PIAS2: variants seen among roughly 807,000 people sequenced by gnomAD.
PIAS2 encodes E3 SUMO-protein ligase PIAS2.
In PIAS2, 19 loss-of-function variants were observed where a neutral mutation model predicts 69.7. The observed-to-expected ratio is 0.27, with a 90% CI of 0.19 to 0.40. The LOEUF (loss-of-function observed/expected upper bound fraction) is 0.40. PIAS2 is among the 10% of genes least tolerant of loss of function. The pLI is 1.00. For missense variants in PIAS2, 624 were observed against 757.0 expected, an observed-to-expected ratio of 0.82 and a Z score of 2.06; for synonymous variants, 261 against 263.2, an observed-to-expected ratio of 0.99 and a Z score of 0.08.
At chr18:46,851,511 T>C (rs1298796897) in intron 5 of PIAS2, among the ~76,000 whole-genome samples, 1 of 152,222 alleles carries the variant, frequency 6.6e-6, no homozygotes, top group East Asian at 1.9e-4. Context: ...GTCTGTACAC[T>C]GGCAGCCCTT....
At chr18:46,911,502 C>T in intron 1 of PIAS2, among the ~76,000 whole-genome samples, 1 of 152,260 alleles carries the variant, frequency 6.6e-6, no homozygotes, top group Non-Finnish European at 1.5e-5. Context: ...AGACGTGAGC[C>T]ACTGTGCCCG....
At chr18:46,848,154 A>AT (rs951547456) in intron 5 of PIAS2, among the ~76,000 whole-genome samples, 2 of 152,222 alleles carry the variant, frequency 1.3e-5, no homozygotes, top group African/African-American at 4.8e-5. Context: ...GCAAGCAGGA[A>AT]TTTTAGAGAG....
intron 2 of PIAS2, among the ~76,000 whole-genome samples, chr18:46,878,869 T>C (rs922124260): frequency 6.6e-5 from 10 of 152,136 alleles, no homozygotes; most frequent in African/African-American, 2.4e-4. Flanking sequence ...ACTCCGTCTA[T>C]AAAAAACAAA....
At chr18:46,816,455 A>T (rs149217766) in intron 12 of PIAS2, 1 of 985,030 alleles carries the variant, frequency 1.0e-6, no homozygotes, top group East Asian at 1.1e-4. Flanking sequence ...AGCCTTTTTG[A>T]AAATTGTTGC....
chr18:46,819,265 G>A (rs2041905640), intron 12 of PIAS2, among the ~76,000 whole-genome samples: 1 of 152,026 alleles, frequency 6.6e-6, no homozygotes, highest in Non-Finnish European at 1.5e-5. Flanking sequence ...AAGGCAGTTG[G>A]GAATTAAGAA....
intron 1 of PIAS2, chr18:46,903,469 C>G (rs1265714404): frequency 1.3e-5 from 2 of 151,960 alleles, no homozygotes; most frequent in African/African-American, 4.8e-5. Flanking sequence ...TGTTCAGCAT[C>G]ATTAGCCATT....
Position 46,803,826 on chromosome 18 carries a change from A to G in PIAS2, c.*8607T>C, listed in dbSNP as rs2040572830. The G allele has an allele frequency of 6.6e-6, 1 of 152,174 alleles. No individual in the cohort carries two copies. The highest frequency in any genetic ancestry group is 6.5e-5 in the Admixed American group (1 of 15,274). The allele number at this position is 152,174 out of a possible 1,614,324, so 9.4% of individuals were successfully genotyped here. ...TACACAGTAGGGTGGGTCTACAAGG[A>G]GTTGCTTACACTTCCAGGTTTAATA... is the stretch of plus-strand genomic sequence containing the variant. On this transcript the variant is annotated 3_prime_UTR_variant, in exon 14 of 14. Coordinates refer to ENST00000585916, the MANE Select transcript of PIAS2 (RefSeq NM_004671.5).
Position 46,803,637 on chromosome 18 carries a change from T to C in PIAS2, c.*8796A>G, listed in dbSNP as rs925137656. The C allele has an allele frequency of 3.1e-4, 47 of 152,348 alleles. No homozygotes were observed. The highest frequency in any genetic ancestry group is 8.7e-4 in the African/African-American group (36 of 41,582). 9.4% of individuals were successfully genotyped at this position (152,348 alleles called of 1,614,324 possible). A position where few individuals can be genotyped will look rare whatever the true frequency, so the allele number is the denominator to read the frequency against. ...TGATTTTTGTTCCAGTTCCAAAGTA[T>C]TGAGTCTAATAATGATTTGGGTCAG... On this transcript the variant is annotated 3_prime_UTR_variant, in exon 14 of 14. Transcript: ENST00000585916.
Position 46,844,140 on chromosome 18 carries a change from G to GAA in PIAS2, c.968-14_968-13insTT. ...AGTTTTTCTTTAACTTTAAAAAGAA[G>GAA]AGAAAAAAAAAAATTTAAAAAAATT... is the stretch of plus-strand genomic sequence containing the variant. On this transcript the variant is annotated splice_polypyrimidine_tract_variant and intron_variant, in intron 7 of 13. Transcript: ENST00000585916. 15 of 1,206,122 alleles carry GAA rather than the reference G, an allele frequency of 1.2e-5. No homozygotes were observed. Among genetic ancestry groups the GAA allele is most frequent in the South Asian group, 4.3e-5 (2 of 46,240 alleles). The allele number at this position is 1,206,122 out of a possible 1,614,324, so 74.7% of individuals were successfully genotyped here.
At chr18:46,909,261 A>G in intron 1 of PIAS2, among the ~76,000 whole-genome samples, 1 of 152,138 alleles carries the variant, frequency 6.6e-6, no homozygotes, top group East Asian at 1.9e-4. Context: ...ACTCGTGGGT[A>G]AAAACTTTTT....
Position 46,890,616 on chromosome 18 carries a change from C to G in PIAS2, c.463G>C (p.Asp155His). 6.2e-7 allele frequency: 1 copy of G among 1,613,900 alleles called. No individual in the cohort carries two copies. The highest frequency in any genetic ancestry group is 8.5e-7 in the Non-Finnish European group (1 of 1,179,872). The change falls in exon 2 of 14, where the codon GAT becomes CAT. Residue 155 changes from aspartate (D) to histidine (H), a missense_variant. Physicochemically the swap from Asp to His is moderately conservative, Grantham distance 81. This residue lies in a region of PIAS2 where 339 missense variants were observed against 408.8 expected (regional missense o/e 0.83). Transcript: ENST00000585916. ...DVQLKNLPFY[D>H]VLDVLIKPTS... ...GGCTTGATGAGAACATCAAGGACAT[C>G]ATAAAAGGGCAGATTTTTTAACTGC...
chr18:46,906,557 A>G (rs572343787), intron 1 of PIAS2, among the ~76,000 whole-genome samples: 13 of 152,210 alleles, frequency 8.5e-5, no homozygotes, highest in Non-Finnish European at 1.9e-4. Context: ...TTGCTATAAA[A>G]ATAATTTGTT....
chr18:46,854,290 C>T (rs2047409008), intron 5 of PIAS2, among the ~76,000 whole-genome samples: 1 of 152,104 alleles, frequency 6.6e-6, no homozygotes, highest in Non-Finnish European at 1.5e-5. Flanking sequence ...AGTCCAGAGC[C>T]CAGTCTCGTG....
At chr18:46,908,841 T>C (rs1568894502) in intron 1 of PIAS2, among the ~76,000 whole-genome samples, 1 of 152,082 alleles carries the variant, frequency 6.6e-6, no homozygotes, top group Non-Finnish European at 1.5e-5. Flanking sequence ...AAACCCCGTC[T>C]CTATTAAAAA....
intron 9 of PIAS2, 200 bp downstream of exon 9, chr18:46,836,157 T>A (rs2044393015): frequency 2.1e-6 from 1 of 471,812 alleles, no homozygotes. Flanking sequence ...AATCATATTA[T>A]AGAGATAAAA....
chr18:46,864,240 T>C lies in PIAS2; in HGVS notation c.508A>G (p.Ser170Gly), dbSNP rs1359640753. 5 of 1,579,550 alleles carry C rather than the reference T, an allele frequency of 3.2e-6. No homozygotes were observed. In the Admixed American group the frequency reaches 9.4e-5, roughly 30 times the overall value. The change falls in exon 3 of 14, where the codon AGT becomes GGT. Residue 170 changes from serine (S) to glycine (G), a missense_variant. Transcript: ENST00000585916. Reference sequence around the variant, plus strand: ...AACTTCTCTTGAAATCGCTGAATACTGCTTTGAACTGGGAAGAAAAAAAAA... The same window carrying C: ...AACTTCTCTTGAAATCGCTGAATACCGCTTTGAACTGGGAAGAAAAAAAAA... ...LIKPTSLVQS[S>G]IQRFQEKFFI... is the part of the protein sequence containing the mutation.
At chr18:46,858,221 T>TC (rs2048125492) in intron 3 of PIAS2, among the ~76,000 whole-genome samples, 1 of 108,680 alleles carries the variant, frequency 9.2e-6, no homozygotes, top group Non-Finnish European at 2.0e-5. Context: ...GGAGATAAGA[T>TC]TAAAAAAAAA....
intron 2 of PIAS2, among the ~76,000 whole-genome samples, chr18:46,865,485 C>T (rs1387922257): frequency 1.4e-5 from 2 of 144,952 alleles, no homozygotes; most frequent in Admixed American, 7.1e-5. Flanking sequence ...GGTTGCAGTG[C>T]GCTGAGATCA....
Position 46,899,376 on chromosome 18 carries a change from G to A in PIAS2, c.25-8322C>T, listed in dbSNP as rs144309846. ...CATTCCAAGGCATTCCATAGCAAATGCAAAAGTCCTGAAGACAAAGGCAGG... is the reference window on the plus strand; with the variant it reads ...CATTCCAAGGCATTCCATAGCAAATACAAAAGTCCTGAAGACAAAGGCAGG... On this transcript the variant is annotated intron_variant, in intron 1 of 13. Transcript: ENST00000585916. Among the ~76,000 whole-genome samples, 8 of 152,298 alleles carry A rather than the reference G, an allele frequency of 5.3e-5. No homozygotes were observed. The East Asian group carries it at 1.5e-3, about 29-fold the overall frequency.
Sources: gnomAD v4.1 joint callset for allele counts (sites outside exome capture counted in the v4.1 genomes callset) on GRCh38, gnomAD v4.1.1 for gene constraint, gnomAD v4.1.1 regional missense constraint, MANE v1.5 for transcripts, NCBI Gene and HGNC (gene_info 2026-07-23, HGNC 2026-07-21) for gene names.